The following INPP5A variants were observed in gnomAD, a reference collection of about 807,000 sequenced individuals.
INPP5A encodes 43 kDa inositol polyphosphate 5-phophatase.
A neutral mutation model predicts 65.2 loss-of-function variants in INPP5A; 14 were observed. The ratio of observed to expected loss-of-function variants is 0.21; its 90% CI spans 0.14 to 0.34. The LOEUF (loss-of-function observed/expected upper bound fraction) is 0.34. Ranked by LOEUF, INPP5A falls within the 10% of genes least tolerant of loss-of-function variation. The pLI is 1.00. For synonymous variants in INPP5A, 207 were observed against 208.3 expected (o/e 0.99, Z 0.05); for missense variants, 431 against 545.6 (o/e 0.79, Z 2.09).
chr10:132,643,946 C>T (rs900112433), intron 2 of INPP5A, among the ~76,000 whole-genome samples: 4 of 152,104 alleles, frequency 2.6e-5, no homozygotes, highest in South Asian at 2.1e-4. Context: ...GCCAGGGAGG[C>T]GTGGCAGATC....
chr10:132,545,064 C>T lies in INPP5A; in HGVS notation c.75+6893C>T, dbSNP rs1304556906. ...TGGTCACGTCCGTCCCTGTTGCCTG[C>T]GCTGCTCCGAGAAGCCCCACTCTGA... On this transcript the variant is annotated intron_variant, in intron 1 of 15. Transcript: ENST00000368594. This position sits in a 1 kb window ranked among gnomAD's most constrained non-coding sequence, Gnocchi z 4.6. Among the ~76,000 whole-genome samples the T allele has an allele frequency of 1.3e-5, 2 of 152,134 alleles. No individual in the cohort carries two copies. The highest frequency in any genetic ancestry group is 2.4e-5 in the African/African-American group (1 of 41,410).
At chr10:132,776,660 G>A (rs1320232208) in intron 12 of INPP5A, among the ~76,000 whole-genome samples, 2 of 151,602 alleles carry the variant, frequency 1.3e-5, no homozygotes, top group East Asian at 2.0e-4. Flanking sequence ...CAGGACCCCC[G>A]GGGTTCGTTC....
chr10:132,764,854 GTCA>G (rs1846810397), intron 11 of INPP5A, among the ~76,000 whole-genome samples: 1 of 141,692 alleles, frequency 7.1e-6, no homozygotes, highest in Non-Finnish European at 1.5e-5. Context: ...ACACGGCCGG[GTCA>G]GTCCTGCTGT....
chr10:132,660,824 C>A (rs1358734848), intron 4 of INPP5A, among the ~76,000 whole-genome samples: 1 of 152,162 alleles, frequency 6.6e-6, no homozygotes, highest in Non-Finnish European at 1.5e-5. Context: ...AACGTAGAGT[C>A]CTCTGATATC....
At chr10:132,716,635 A>T (rs1845744871) in intron 8 of INPP5A, among the ~76,000 whole-genome samples, 1 of 152,150 alleles carries the variant, frequency 6.6e-6, no homozygotes. Flanking sequence ...CCTGAACCCC[A>T]GCGTCACCAC....
chr10:132,640,115 G>C (rs1184933931), intron 2 of INPP5A, among the ~76,000 whole-genome samples: 1 of 152,146 alleles, frequency 6.6e-6, no homozygotes, highest in South Asian at 2.1e-4. Flanking sequence ...TTCAGATTCC[G>C]ATAACTCAGG....
intron 10 of INPP5A, 57 bp from the exon 11 acceptor site, chr10:132,749,714 G>T (rs1038841470): frequency 1.0e-4 from 160 of 1,598,470 alleles, no homozygotes; most frequent in Non-Finnish European, 1.3e-4. Context: ...TGGGGGCTAG[G>T]GGACACGCAC....
intron 9 of INPP5A, among the ~76,000 whole-genome samples, chr10:132,731,207 A>G (rs1846078716): frequency 6.6e-6 from 1 of 152,188 alleles, no homozygotes; most frequent in South Asian, 2.1e-4. Flanking sequence ...GTCAGAGAAC[A>G]GAGAAGGCGG....
chr10:132,777,956 C>G, intron 13 of INPP5A, 174 bp downstream of exon 13: 1 of 1,430,074 alleles, frequency 7.0e-7, no homozygotes, highest in Non-Finnish European at 9.2e-7. Context: ...TGGGTCACCT[C>G]TGAGCCAGCA....
At chr10:132,756,777 C>G (rs1471543273) in intron 11 of INPP5A, among the ~76,000 whole-genome samples, 1 of 152,312 alleles carries the variant, frequency 6.6e-6, no homozygotes, top group South Asian at 2.1e-4. Context: ...CAGGCAGGTC[C>G]ACGGAGAAGA....
rs74447948 is a variant in INPP5A, at chr10:132,710,038, T to G, written c.528-299T>G. 1.5e-4 allele frequency among the ~76,000 whole-genome samples: 23 copies of G among 152,386 alleles called. No individual in the cohort carries two copies. In the East Asian group the frequency reaches 3.7e-3, roughly 24 times the overall value. The stretch of plus-strand genomic sequence containing the variant: ...CTGAGGGGTGGCCCTTCCTCTTAGC[T>G]TAGCCATCAGGGAGAGTTTCCATAG... On this transcript the variant is annotated intron_variant, in intron 7 of 15. Transcript: ENST00000368594.
intron 2 of INPP5A, among the ~76,000 whole-genome samples, chr10:132,641,502 G>A (rs545733528): frequency 2.0e-5 from 3 of 152,174 alleles, no homozygotes. Flanking sequence ...CAGACAGTTT[G>A]CCTGTGCCTT....
In INPP5A at chr10:132,537,981, C is replaced by A; in HGVS notation, c.-116C>A. 2 of 273,946 alleles carry A rather than the reference C, an allele frequency of 7.3e-6. No homozygotes were observed. The highest frequency in any genetic ancestry group is 1.1e-5 in the Non-Finnish European group (2 of 182,070). The allele number at this position is 273,946 out of a possible 1,614,324, so 17.0% of individuals were successfully genotyped here. ...GCCGAGCCCGCGATGCGCCCCGGGG[C>A]CGCCCCCCGGCGCAGCTGACGCCCC... On this transcript the variant is annotated 5_prime_UTR_variant, in exon 1 of 16. Transcript: ENST00000368594.
intron 9 of INPP5A, among the ~76,000 whole-genome samples, chr10:132,735,285 G>A (rs918297758): frequency 1.3e-5 from 2 of 152,218 alleles, no homozygotes; most frequent in African/African-American, 2.4e-5. Flanking sequence ...CCCTCCTCTG[G>A]GGTGGTTTTC....
rs139870734 is a variant in INPP5A at position 132,675,354 on chromosome 10, A to G, written c.307-15038A>G. On this transcript the variant is annotated intron_variant, in intron 4 of 15. Coordinates refer to ENST00000368594, the MANE Select transcript of INPP5A (RefSeq NM_005539.5). The surrounding 1 kb of genome is among the most constrained non-coding windows in gnomAD (Gnocchi z 4.2). Reference sequence around the variant, plus strand: ...GAAATAGACATTTTAACTCAAATGAAAAACAGTAAGTACTAACGGATGTTC... The same window carrying G: ...GAAATAGACATTTTAACTCAAATGAGAAACAGTAAGTACTAACGGATGTTC... Among the ~76,000 whole-genome samples the G allele has an allele frequency of 4.9e-4, 75 of 152,376 alleles. No homozygotes were observed. The highest frequency in any genetic ancestry group is 2.1e-3 in the South Asian group (10 of 4,830).
chr10:132,700,165 C>T (rs1348593984), intron 6 of INPP5A, among the ~76,000 whole-genome samples: 3 of 152,242 alleles, frequency 2.0e-5, no homozygotes, highest in African/African-American at 4.8e-5. Context: ...GTTGTGTCCA[C>T]AGGCAGAGGA....
At chr10:132,639,435 C>T (rs2072399418) in intron 2 of INPP5A, among the ~76,000 whole-genome samples, 1 of 151,922 alleles carries the variant, frequency 6.6e-6, no homozygotes, top group Admixed American at 6.6e-5. Flanking sequence ...TGTTCTGTTA[C>T]TTCTGTCCAG....
chr10:132,681,742 C>T (rs1342198744), intron 4 of INPP5A, among the ~76,000 whole-genome samples: 3 of 152,334 alleles, frequency 2.0e-5, no homozygotes, highest in South Asian at 2.1e-4. Context: ...CTTCTGGGTA[C>T]AGACCCCAAA....
intron 8 of INPP5A, among the ~76,000 whole-genome samples, chr10:132,722,669 A>T (rs1301330728): frequency 2.0e-5 from 3 of 152,130 alleles, no homozygotes; most frequent in African/African-American, 7.2e-5. Flanking sequence ...CGAGCCCCCC[A>T]GCCGTCGCGG....
Sources: allele counts gnomAD v4.1 joint callset (sites outside exome capture counted in the v4.1 genomes callset), GRCh38; gene constraint gnomAD v4.1.1; non-coding constraint Gnocchi (gnomAD v3.1); transcripts MANE v1.5; gene names NCBI Gene and HGNC (gene_info 2026-07-23, HGNC 2026-07-21).